Variants in KIF16B observed in about 807,000 individuals in gnomAD.
The protein encoded by KIF16B is kinesin family member 16B.
Under a neutral mutation model 156.3 loss-of-function variants are expected in KIF16B, and 98 were observed. The ratio of observed to expected loss-of-function variants is 0.63; its 90% CI spans 0.53 to 0.74. The LOEUF is 0.74. Ranked by LOEUF, KIF16B falls within the 30% of genes least tolerant of loss-of-function variation. KIF16B has a pLI of 0.00. For synonymous variants in KIF16B, 564 were observed against 583.7 expected (o/e 0.97, Z 0.49); for missense variants, 1,421 against 1,606.5 (o/e 0.88, Z 1.97).
Position 16,515,589 on chromosome 20 carries a change from G to T in KIF16B, c.307C>A (p.Gln103Lys). 6.2e-7 allele frequency: 1 copy of T among 1,611,350 alleles called. No homozygotes were observed. Among genetic ancestry groups the T allele is most frequent in the Non-Finnish European group, 8.5e-7 (1 of 1,177,710 alleles). Residue 103 changes from glutamine to lysine, a missense_variant, in exon 4 of 26, where the codon CAA (glutamine) becomes AAA (lysine). Transcript: ENST00000354981. ...GYNACVFAYG[Q>K]TGSGKSYTMM... ...GTGTATGACTTTCCAGATCCAGTTT[G>T]CCCATATGCAAAGACACAAGCATTA...
At chr20:16,341,283 C>T (rs116747391) in intron 23 of KIF16B, among the ~76,000 whole-genome samples, 84 of 152,264 alleles carry the variant, frequency 5.5e-4, no homozygotes, top group African/African-American at 2.0e-3. Flanking sequence ...TGAGGACCTG[C>T]TATAGTTGGT....
chr20:16,415,762 C>T (rs1164685705), intron 15 of KIF16B, among the ~76,000 whole-genome samples: 1 of 152,126 alleles, frequency 6.6e-6, no homozygotes, highest in Admixed American at 6.6e-5. Flanking sequence ...ACATTCACTT[C>T]AGAATTCAAC....
intron 24 of KIF16B, among the ~76,000 whole-genome samples, chr20:16,324,053 C>G (rs916453523): frequency 6.6e-6 from 1 of 151,912 alleles, no homozygotes. Context: ...GTGAAAGATA[C>G]TTCAGATCTG....
At chr20:16,500,709 T>C (rs1174030231) in intron 10 of KIF16B, among the ~76,000 whole-genome samples, 3 of 152,190 alleles carry the variant, frequency 2.0e-5, no homozygotes, top group African/African-American at 4.8e-5. Flanking sequence ...CCTCTTGAAT[T>C]CACTGGTTTG....
intron 1 of KIF16B, among the ~76,000 whole-genome samples, chr20:16,570,303 C>A (rs16997898): frequency 0.012 from 1,801 of 152,072 alleles, 35 homozygotes; most frequent in African/African-American, 0.041. Flanking sequence ...ATGGTCAAAT[C>A]AAAAAGTTTA....
intron 23 of KIF16B, among the ~76,000 whole-genome samples, chr20:16,345,215 C>T (rs956001888): frequency 6.6e-6 from 1 of 152,218 alleles, no homozygotes; most frequent in Non-Finnish European, 1.5e-5. Flanking sequence ...TCACGTGTTT[C>T]TCTTCCCACA....
intron 20 of KIF16B, among the ~76,000 whole-genome samples, chr20:16,372,074 G>A (rs896256761): frequency 6.6e-6 from 1 of 152,110 alleles, no homozygotes. Flanking sequence ...TCAGTCACTG[G>A]CTTCAGAAGG....
intron 1 of KIF16B, among the ~76,000 whole-genome samples, chr20:16,569,338 A>C (rs764481311): frequency 2.6e-5 from 4 of 152,202 alleles, no homozygotes; most frequent in Non-Finnish European, 4.4e-5. Context: ...GCAAAGATTA[A>C]ACTGGATTTT....
At chr20:16,360,016 T>C (rs2064522094) in intron 22 of KIF16B, among the ~76,000 whole-genome samples, 1 of 152,188 alleles carries the variant, frequency 6.6e-6, no homozygotes, top group Non-Finnish European at 1.5e-5. Flanking sequence ...TAAATATTAA[T>C]GAGTGTACAG....
chr20:16,321,573 G>A (rs1248126158), intron 24 of KIF16B, among the ~76,000 whole-genome samples: 1 of 151,952 alleles, frequency 6.6e-6, no homozygotes, highest in Non-Finnish European at 1.5e-5. Flanking sequence ...CCTACACAGC[G>A]TTAGAAGTAA....
chr20:16,448,989 C>G (rs1414547788), intron 12 of KIF16B, among the ~76,000 whole-genome samples: 2 of 151,436 alleles, frequency 1.3e-5, no homozygotes, highest in African/African-American at 4.9e-5. Context: ...TTCAAATAAT[C>G]AAATGGGTAA....
At chr20:16,547,277 C>T (rs1177312346) in intron 1 of KIF16B, among the ~76,000 whole-genome samples, 2 of 152,184 alleles carry the variant, frequency 1.3e-5, no homozygotes, top group Non-Finnish European at 2.9e-5. Flanking sequence ...AGGACAAACA[C>T]ATGCCTCCCC....
intron 1 of KIF16B, among the ~76,000 whole-genome samples, chr20:16,541,172 G>A (rs927778659): frequency 2.0e-5 from 3 of 152,186 alleles, no homozygotes; most frequent in Admixed American, 1.3e-4. Context: ...TGCACAGCCT[G>A]TGACTCCAAC....
intron 25 of KIF16B, among the ~76,000 whole-genome samples, chr20:16,288,483 A>G (rs796213739): frequency 3.4e-5 from 4 of 116,880 alleles, no homozygotes; most frequent in African/African-American, 6.3e-5. Context: ...ACCTTAGTAA[A>G]CACAGTATGT....
At position 16,379,450 on chromosome 20, in the gene KIF16B, T is replaced by C; in HGVS notation, c.2552A>G (p.Lys851Arg). ...KDLVQQKDIL[K>R]KEVQEEQEIL... is the part of the protein sequence containing the mutation. ...CTCCTGTTCTTCTTGGACTTCTTTT[T>C]TCAGGATGTCTTTCTGCTGAACCAG... Residue 851 changes from lysine to arginine, a missense_variant, in exon 19 of 26, where the codon AAA becomes AGA. By Grantham distance (26) the Lys-to-Arg change is conservative. Coordinates refer to ENST00000354981, the MANE Select transcript of KIF16B (RefSeq NM_024704.5). The C allele has an allele frequency of 1.9e-6, 3 of 1,613,810 alleles. No individual in the cohort carries two copies. The highest frequency in any genetic ancestry group is 2.5e-6 in the Non-Finnish European group (3 of 1,179,968).
At chr20:16,361,863 G>A (rs944223411) in intron 22 of KIF16B, among the ~76,000 whole-genome samples, 3 of 152,092 alleles carry the variant, frequency 2.0e-5, no homozygotes, top group African/African-American at 7.2e-5. Flanking sequence ...ATTGTTTCAA[G>A]GTTTGGAAAT....
chr20:16,330,486 C>T (rs2122891782), intron 24 of KIF16B, among the ~76,000 whole-genome samples: 1 of 152,234 alleles, frequency 6.6e-6, no homozygotes, highest in Admixed American at 6.5e-5. Context: ...AACATTTAAG[C>T]AATTATCAGA....
At chr20:16,488,830 T>C (rs1366290250) in intron 12 of KIF16B, among the ~76,000 whole-genome samples, 1 of 152,182 alleles carries the variant, frequency 6.6e-6, no homozygotes, top group Non-Finnish European at 1.5e-5. Context: ...TGAGGCAGCA[T>C]TCTAACAAAG....
rs75114628 is a variant in KIF16B at position 16,339,494 on chromosome 20, T to C, written c.3622-3479A>G. On this transcript the variant is annotated intron_variant, in intron 23 of 25. Transcript: ENST00000354981. ...CCATCTCACGGCATAAATTTACATG[T>C]GGATGACTCCCTGGATGCCTGTACC... Among the ~76,000 whole-genome samples the C allele has an allele frequency of 4.0e-3, 616 of 152,252 alleles. 6 individuals are homozygous for C. Among genetic ancestry groups the C allele is most frequent in the African/African-American group, 0.014 (570 of 41,544 alleles).
Sources: gnomAD v4.1 joint callset for allele counts (sites outside exome capture counted in the v4.1 genomes callset) on GRCh38, gnomAD v4.1.1 for gene constraint, MANE v1.5 for transcripts, NCBI Gene and HGNC (gene_info 2026-07-23, HGNC 2026-07-21) for gene names.